Variants in ASPRV1 observed in about 807,000 individuals in gnomAD.
The protein encoded by ASPRV1 is retroviral-like aspartic protease 1.
Under a neutral mutation model 11.0 loss-of-function variants are expected in ASPRV1, and 7 were observed. The observed-to-expected ratio is 0.64, with a 90% CI of 0.36 to 1.20. The LOEUF is 1.20. ASPRV1 is among the 50% of genes most tolerant of loss of function. The pLI is 0.02. For synonymous variants in ASPRV1, 136 were observed against 138.4 expected, an observed-to-expected ratio of 0.98 and a Z score of 0.12; for missense variants, 299 against 320.0, an observed-to-expected ratio of 0.93 and a Z score of 0.50.
the ASPRV1 span, chr2:69,988,579 T>C: frequency 2.9e-6 from 1 of 341,076 alleles, no homozygotes; most frequent in Non-Finnish European, 5.8e-6. Flanking sequence ...TGTGGGAAGA[T>C]GAAGAAGTTC....
At chr2:69,998,806 C>T in the ASPRV1 span, among the ~76,000 whole-genome samples, 15 of 152,246 alleles carry the variant, frequency 9.9e-5, no homozygotes, top group Admixed American at 3.3e-4. Context: ...AGAGCTAACC[C>T]GCAGGAAATG....
the ASPRV1 span, among the ~76,000 whole-genome samples, chr2:70,035,853 C>T: frequency 0.15 from 22,888 of 151,092 alleles, 2,696 homozygotes; most frequent in East Asian, 0.3. Context: ...AATAAACAAA[C>T]CTAATGACTT....
At chr2:69,979,427 G>A in the ASPRV1 span, among the ~76,000 whole-genome samples, 3 of 152,186 alleles carry the variant, frequency 2.0e-5, no homozygotes, top group East Asian at 3.9e-4. Context: ...TGTAGTCTCT[G>A]AGGGAAGAGT....
upstream of ASPRV1, among the ~76,000 whole-genome samples, chr2:69,965,352 C>G (rs1166330914): frequency 6.6e-6 from 1 of 152,124 alleles, no homozygotes; most frequent in East Asian, 1.9e-4. Context: ...CACTTTAGAC[C>G]AGGGGTCCAA....
At chr2:69,942,710 C>A in the ASPRV1 span, 1 of 152,156 alleles carries the variant, frequency 6.6e-6, no homozygotes, top group Non-Finnish European at 1.5e-5. Context: ...CTACACACAG[C>A]CTGACAGGGG....
the ASPRV1 span, among the ~76,000 whole-genome samples, chr2:70,071,202 A>G: frequency 6.6e-6 from 1 of 152,196 alleles, no homozygotes; most frequent in African/African-American, 2.4e-5. Flanking sequence ...TTCTTCAAGG[A>G]GGAAAGGAAA....
At chr2:70,041,387 CA>C in the ASPRV1 span, among the ~76,000 whole-genome samples, 1 of 152,164 alleles carries the variant, frequency 6.6e-6, no homozygotes, top group African/African-American at 2.4e-5. Context: ...GGTACGTGGT[CA>C]CCCACCCAGT....
the ASPRV1 span, chr2:70,045,936 A>C: frequency 6.6e-6 from 1 of 152,160 alleles, no homozygotes; most frequent in African/African-American, 2.4e-5. Flanking sequence ...TGGAAATTCA[A>C]ATGAGAGGCA....
the ASPRV1 span, among the ~76,000 whole-genome samples, chr2:69,983,734 G>A: frequency 5.3e-5 from 8 of 152,272 alleles, no homozygotes; most frequent in Admixed American, 3.3e-4. Context: ...TCTCATGTGC[G>A]GTGGTCAACA....
the ASPRV1 span, among the ~76,000 whole-genome samples, chr2:70,062,472 CCT>C: frequency 6.6e-6 from 1 of 152,138 alleles, no homozygotes; most frequent in South Asian, 2.1e-4. Flanking sequence ...TCCAGCGCCC[CCT>C]CTCTCACCCT....
At chr2:69,947,504 T>C in the ASPRV1 span, among the ~76,000 whole-genome samples, 2 of 152,148 alleles carry the variant, frequency 1.3e-5, no homozygotes, top group African/African-American at 2.4e-5. Context: ...AATGTGCATG[T>C]TTGTGACCCA....
chr2:69,972,967 T>C, the ASPRV1 span, among the ~76,000 whole-genome samples: 1 of 152,014 alleles, frequency 6.6e-6, no homozygotes, highest in Non-Finnish European at 1.5e-5. Context: ...CCATCAGCCA[T>C]TCCCACCCTC....
the ASPRV1 span, among the ~76,000 whole-genome samples, chr2:70,035,988 C>T: frequency 6.6e-6 from 1 of 150,988 alleles, no homozygotes; most frequent in Non-Finnish European, 1.5e-5. Flanking sequence ...AGCCAGAATT[C>T]AATAAAGAAA....
chr2:69,944,765 A>G, the ASPRV1 span, among the ~76,000 whole-genome samples: 1 of 152,050 alleles, frequency 6.6e-6, no homozygotes, highest in South Asian at 2.1e-4. Context: ...CTGTCCTCTC[A>G]ATCTCAACTT....
chr2:69,979,419 T>C, the ASPRV1 span, among the ~76,000 whole-genome samples: 3 of 152,128 alleles, frequency 2.0e-5, no homozygotes, highest in Non-Finnish European at 2.9e-5. Context: ...GGGCTCCTTG[T>C]AGTCTCTGAG....
At chr2:70,054,853 CA>C in the ASPRV1 span, among the ~76,000 whole-genome samples, 1 of 151,780 alleles carries the variant, frequency 6.6e-6, no homozygotes, top group African/African-American at 2.4e-5. Context: ...ATTCACAAGA[CA>C]AAAAAGAGTC....
chr2:69,946,898 T>C, the ASPRV1 span, among the ~76,000 whole-genome samples: 88,290 of 152,090 alleles, frequency 0.58, 28,349 homozygotes, highest in African/African-American at 0.85. Context: ...TACAGGGCAG[T>C]TCCTCTCATA....
chr2:69,943,313 T>C, the ASPRV1 span, among the ~76,000 whole-genome samples: 1 of 152,218 alleles, frequency 6.6e-6, no homozygotes, highest in African/African-American at 2.4e-5. Flanking sequence ...GGGAAAGATA[T>C]GCACACAATT....
the ASPRV1 span, among the ~76,000 whole-genome samples, chr2:70,039,527 C>G: frequency 6.6e-6 from 1 of 152,158 alleles, no homozygotes; most frequent in African/African-American, 2.4e-5. Flanking sequence ...ATGCTCAATC[C>G]TTAGACGTTT....
Sources: allele counts gnomAD v4.1 joint callset (sites outside exome capture counted in the v4.1 genomes callset), GRCh38; gene constraint gnomAD v4.1.1; transcripts MANE v1.5; gene names NCBI Gene and HGNC (gene_info 2026-07-23, HGNC 2026-07-21).